COL28A1: variants seen among roughly 807,000 people sequenced by gnomAD.
COL28A1 encodes collagen type XXVIII alpha 1 chain.
Under a neutral mutation model 150.2 loss-of-function variants are expected in COL28A1, and 161 were observed. That is an observed-to-expected ratio of 1.07 (90% CI 0.94 to 1.22). COL28A1 has a LOEUF of 1.22. Ranked by LOEUF, COL28A1 falls within the 50% of genes most tolerant of loss-of-function variation. COL28A1 has a pLI of 0.00. For missense variants in COL28A1, 1,617 were observed against 1,388.3 expected (o/e 1.16, Z -2.62); for synonymous variants, 552 against 469.7 (o/e 1.18, Z -2.26).
At chr7:7,423,121 C>G (rs545440304) in intron 25 of COL28A1, among the ~76,000 whole-genome samples, 2 of 152,194 alleles carry the variant, frequency 1.3e-5, no homozygotes, top group East Asian at 1.9e-4. Context: ...GTATTGTAGT[C>G]AAGTTTTTAA....
At chr7:7,498,870 T>C (rs1455594802) in intron 11 of COL28A1, among the ~76,000 whole-genome samples, 1 of 151,640 alleles carries the variant, frequency 6.6e-6, no homozygotes, top group East Asian at 1.9e-4. Flanking sequence ...TTCAGTTCCT[T>C]GGTCCATCAG....
At chr7:7,433,057 C>T (rs1180643956) in intron 23 of COL28A1, among the ~76,000 whole-genome samples, 1 of 152,044 alleles carries the variant, frequency 6.6e-6, no homozygotes, top group South Asian at 2.1e-4. Flanking sequence ...AATAAAAACA[C>T]ATTAATTTTT....
At position 7,400,975 on chromosome 7, in the gene COL28A1, GGTGTGTGTGTGTGTGT is replaced by G. The variant is rs60064708; in HGVS notation, c.2136+16868_2136+16883del. The stretch of plus-strand genomic sequence containing the variant: ...GTCCCATAGGACGTGTGGGTATTTG[GGTGTGTGTGTGTGTGT>G]GTGTGTGTGTGTGTGTGTGTGTGTG... On this transcript the variant is annotated intron_variant, in intron 27 of 34. Transcript: ENST00000399429. 5.3e-3 allele frequency among the ~76,000 whole-genome samples: 630 copies of G among 119,128 alleles called. 5 individuals carry two copies. The highest frequency in any genetic ancestry group is 8.8e-3 in the Middle Eastern group (2 of 226). The allele number at this position is 119,128 out of a possible 152,430, so 78.2% of individuals were successfully genotyped here. A position where few individuals can be genotyped will look rare whatever the true frequency, so the allele number is the denominator to read the frequency against.
chr7:7,443,440 A>G, intron 20 of COL28A1, 145 bp downstream of exon 20: 1 of 1,250,000 alleles, frequency 8.0e-7, no homozygotes, highest in Non-Finnish European at 1.1e-6. Context: ...TGTCTTCCAA[A>G]AGCTTCCAAG....
At chr7:7,459,645 T>C (rs1471827409) in intron 15 of COL28A1, among the ~76,000 whole-genome samples, 1 of 152,242 alleles carries the variant, frequency 6.6e-6, no homozygotes, top group Non-Finnish European at 1.5e-5. Context: ...CAGCCTCTAG[T>C]AGCTCCTATC....
At position 7,369,938 on chromosome 7, in the gene COL28A1, G is replaced by T. The variant is rs1272179284; in HGVS notation, c.3066+787C>A. 3.3e-5 allele frequency among the ~76,000 whole-genome samples: 5 copies of T among 152,162 alleles called. No homozygotes were observed. In the East Asian group the frequency reaches 9.6e-4, roughly 29 times the overall value. The stretch of plus-strand genomic sequence containing the variant: ...CTGCTTGCCAGAGGATGTCCATGGG[G>T]TTAATAGAAATGGGTCTAGACTTGC... On this transcript the variant is annotated intron_variant, in intron 33 of 34. Coordinates refer to ENST00000399429, the MANE Select transcript of COL28A1 (RefSeq NM_001037763.3).
chr7:7,446,558 C>A (rs1284219638), intron 18 of COL28A1, among the ~76,000 whole-genome samples: 2 of 152,118 alleles, frequency 1.3e-5, no homozygotes, highest in Non-Finnish European at 2.9e-5. Flanking sequence ...CTATCTTATA[C>A]AAACATTTCT....
At chr7:7,538,019 T>C (rs1782708196), upstream of COL28A1, among the ~76,000 whole-genome samples, 1 of 151,894 alleles carries the variant, frequency 6.6e-6, no homozygotes. Flanking sequence ...TGGTGGGAGG[T>C]TGGAGTCCAA....
intron 32 of COL28A1, among the ~76,000 whole-genome samples, chr7:7,372,269 C>T (rs1021082474): frequency 5.9e-5 from 9 of 151,468 alleles, no homozygotes; most frequent in East Asian, 2.0e-4. Flanking sequence ...CATGGTGGCG[C>T]GTGCCTGTAG....
chr7:7,421,431 T>G (rs1279656088), intron 25 of COL28A1, among the ~76,000 whole-genome samples: 1 of 152,150 alleles, frequency 6.6e-6, no homozygotes, highest in East Asian at 1.9e-4. Context: ...AATTTTATAC[T>G]TAAAAAGGAT....
At chr7:7,389,871 C>A (rs569267707) in intron 27 of COL28A1, among the ~76,000 whole-genome samples, 1 of 152,304 alleles carries the variant, frequency 6.6e-6, no homozygotes, top group South Asian at 2.1e-4. Flanking sequence ...GCTGAAGTTG[C>A]TTATCAGCTT....
chr7:7,527,039 T>C (rs933482010), intron 3 of COL28A1, among the ~76,000 whole-genome samples: 1 of 152,256 alleles, frequency 6.6e-6, no homozygotes, highest in African/African-American at 2.4e-5. Context: ...TAAAATTCAA[T>C]TTCTTCTTTG....
rs959119138 is a variant in COL28A1 at position 7,490,423 on chromosome 7, G to T, written c.1095+155C>A. Among the ~76,000 whole-genome samples the T allele has an allele frequency of 2.0e-5, 3 of 152,168 alleles. 1 individual carries two copies. The highest frequency in any genetic ancestry group is 7.2e-5 in the African/African-American group (3 of 41,440). On this transcript the variant is annotated intron_variant, in intron 12 of 34. Coordinates refer to ENST00000399429, the MANE Select transcript of COL28A1 (RefSeq NM_001037763.3). Reference sequence around the variant, plus strand: ...TTCTTGTGGTAACTGCCCCTGACAAGCACATTTCTGTGTCCAAGCACATAA... The same window carrying T: ...TTCTTGTGGTAACTGCCCCTGACAATCACATTTCTGTGTCCAAGCACATAA...
intron 7 of COL28A1, among the ~76,000 whole-genome samples, chr7:7,517,213 A>C (rs1319007747): frequency 6.6e-6 from 1 of 152,064 alleles, no homozygotes; most frequent in Non-Finnish European, 1.5e-5. Flanking sequence ...GGGCACATCC[A>C]GGGGGACAAG....
chr7:7,339,991 T>C, the COL28A1 span, among the ~76,000 whole-genome samples: 1 of 152,090 alleles, frequency 6.6e-6, no homozygotes, highest in Non-Finnish European at 1.5e-5. Flanking sequence ...CATTATTGTT[T>C]TTGTTTTTGT....
chr7:7,434,031 T>G lies in COL28A1; in HGVS notation c.1861-1331A>C, dbSNP rs552707984. On this transcript the variant is annotated intron_variant, in intron 23 of 34. Coordinates refer to ENST00000399429, the MANE Select transcript of COL28A1 (RefSeq NM_001037763.3). The stretch of plus-strand genomic sequence containing the variant: ...CAACTATACTCCAATAAATGAATAA[T>G]TGACTGGGAACAGGGGAAAATTTTT... 5.3e-5 allele frequency among the ~76,000 whole-genome samples: 8 copies of G among 152,286 alleles called. No homozygotes were observed. The South Asian group carries it at 8.3e-4, about 16-fold the overall frequency.
chr7:7,421,237 T>C lies in COL28A1; in HGVS notation c.1999-1284A>G, dbSNP rs565607772. On this transcript the variant is annotated intron_variant, in intron 25 of 34. Coordinates refer to ENST00000399429, the MANE Select transcript of COL28A1 (RefSeq NM_001037763.3). Reference sequence around the variant, plus strand: ...GATATATGATTACATTTATAAATAATACCCAGAAAAGGTAACTCTATAGAA... The same window carrying C: ...GATATATGATTACATTTATAAATAACACCCAGAAAAGGTAACTCTATAGAA... Among the ~76,000 whole-genome samples, 5 of 152,278 alleles carry C rather than the reference T, an allele frequency of 3.3e-5. No individual in the cohort carries two copies. The East Asian group carries it at 9.6e-4, about 29-fold the overall frequency.
chr7:7,405,316 T>C (rs1016502138), intron 27 of COL28A1, among the ~76,000 whole-genome samples: 2 of 152,186 alleles, frequency 1.3e-5, no homozygotes, highest in African/African-American at 4.8e-5. Context: ...ATAGCAAATA[T>C]GATTGTTCAC....
At chr7:7,495,945 C>A (rs1780186199) in intron 11 of COL28A1, among the ~76,000 whole-genome samples, 1 of 152,136 alleles carries the variant, frequency 6.6e-6, no homozygotes, top group Non-Finnish European at 1.5e-5. Flanking sequence ...CTCTTTACTC[C>A]CCACCCCAGC....
Sources: allele counts gnomAD v4.1 joint callset (sites outside exome capture counted in the v4.1 genomes callset), GRCh38; gene constraint gnomAD v4.1.1; transcripts MANE v1.5; gene names NCBI Gene and HGNC (gene_info 2026-07-23, HGNC 2026-07-21).